The following CIMAP2 variants were observed in gnomAD, a reference collection of about 807,000 sequenced individuals.
CIMAP2 encodes ciliary microtubule associated protein 2.
At chr1:54,823,886 C>A in the CIMAP2 span, among the ~76,000 whole-genome samples, 26 of 152,228 alleles carry the variant, frequency 1.7e-4, no homozygotes, top group Middle Eastern at 3.4e-3. Flanking sequence ...TAATTTATTT[C>A]TTCTTCATTT....
the CIMAP2 span, chr1:54,817,175 C>T: frequency 1.2e-6 from 2 of 1,604,346 alleles, no homozygotes; most frequent in Non-Finnish European, 1.7e-6. Flanking sequence ...GGGGGTCTTA[C>T]TCTGGGGTGG....
At chr1:54,807,143 T>C in the CIMAP2 span, 5 of 1,506,820 alleles carry the variant, frequency 3.3e-6, no homozygotes, top group Non-Finnish European at 4.6e-6. Context: ...CCCTTCGAGC[T>C]GCCTGCTGTG....
At chr1:54,822,743 TG>T in the CIMAP2 span, among the ~76,000 whole-genome samples, 1 of 152,184 alleles carries the variant, frequency 6.6e-6, no homozygotes, top group African/African-American at 2.4e-5. Flanking sequence ...TGGGCTCAAG[TG>T]ATCCATCCAC....
chr1:54,809,435 G>A, the CIMAP2 span, among the ~76,000 whole-genome samples: 3 of 152,168 alleles, frequency 2.0e-5, no homozygotes, highest in South Asian at 2.1e-4. Flanking sequence ...TGTCATTACC[G>A]TCCAATCTAA....
the CIMAP2 span, among the ~76,000 whole-genome samples, chr1:54,823,406 T>C: frequency 2.6e-5 from 4 of 152,174 alleles, no homozygotes; most frequent in African/African-American, 9.7e-5. Context: ...CTGCACTATT[T>C]TGGTTTCCAT....
the CIMAP2 span, chr1:54,841,810 C>T: frequency 6.4e-7 from 1 of 1,571,034 alleles, no homozygotes; most frequent in Non-Finnish European, 8.6e-7. Flanking sequence ...GGGAAAGGAT[C>T]ACACCATTTA....
At chr1:54,820,906 T>TTAC in the CIMAP2 span, among the ~76,000 whole-genome samples, 11 of 152,078 alleles carry the variant, frequency 7.2e-5, no homozygotes, top group African/African-American at 2.7e-4. Flanking sequence ...GTAGCTGGGA[T>TTAC]TACAGGTGTA....
the CIMAP2 span, chr1:54,811,765 G>GCGGGGGGGGGGGGGGGCCCCCCCCCCC: frequency 7.7e-7 from 1 of 1,301,324 alleles, no homozygotes; most frequent in South Asian, 1.2e-5. Flanking sequence ...GGTTCTGACA[G>GCGGGGGGGGGGGGGGGCCCCCCCCCCC]CCTCCATGCC....
At chr1:54,823,504 T>C in the CIMAP2 span, among the ~76,000 whole-genome samples, 1 of 152,230 alleles carries the variant, frequency 6.6e-6, no homozygotes, top group African/African-American at 2.4e-5. Context: ...CAGCAGATAG[T>C]TATCTTCTAG....
At chr1:54,840,838 T>G in the CIMAP2 span, among the ~76,000 whole-genome samples, 1 of 152,274 alleles carries the variant, frequency 6.6e-6, no homozygotes, top group African/African-American at 2.4e-5. Context: ...TCCTTAGATA[T>G]TCTAAGCATA....
chr1:54,813,080 G>T, the CIMAP2 span, among the ~76,000 whole-genome samples: 1 of 152,046 alleles, frequency 6.6e-6, no homozygotes, highest in Non-Finnish European at 1.5e-5. Flanking sequence ...CAGGCACTGT[G>T]GCCAGTGCCC....
the CIMAP2 span, chr1:54,807,754 C>G: frequency 6.6e-7 from 1 of 1,525,962 alleles, no homozygotes; most frequent in East Asian, 2.3e-5. Flanking sequence ...ATTGCAGCTG[C>G]TCTGTGTGGC....
chr1:54,806,298 C>T, the CIMAP2 span: 2 of 1,363,988 alleles, frequency 1.5e-6, no homozygotes, highest in Admixed American at 3.0e-5. Flanking sequence ...CGCTTGGCCT[C>T]GGGAGAGAGG....
chr1:54,815,038 G>A, the CIMAP2 span: 2 of 1,614,128 alleles, frequency 1.2e-6, no homozygotes, highest in East Asian at 2.2e-5. Flanking sequence ...ATGGGAAGCT[G>A]GGTAAGTGGG....
At chr1:54,829,025 C>A in the CIMAP2 span, among the ~76,000 whole-genome samples, 1 of 152,128 alleles carries the variant, frequency 6.6e-6, no homozygotes, top group Non-Finnish European at 1.5e-5. Context: ...TTGACATATG[C>A]GTAGAAAACA....
the CIMAP2 span, among the ~76,000 whole-genome samples, chr1:54,840,311 A>G: frequency 2.0e-5 from 3 of 152,190 alleles, no homozygotes; most frequent in Non-Finnish European, 2.9e-5. Flanking sequence ...TGTGTGTATC[A>G]CAGTTTGTTC....
the CIMAP2 span, chr1:54,811,765 G>GCCGGGGGGGGGGGGCGCCCCCCCCC: frequency 2.3e-6 from 3 of 1,301,324 alleles, no homozygotes; most frequent in Admixed American, 1.8e-5. Context: ...GGTTCTGACA[G>GCCGGGGGGGGGGGGCGCCCCCCCCC]CCTCCATGCC....
At chr1:54,833,901 T>G in the CIMAP2 span, among the ~76,000 whole-genome samples, 2 of 152,130 alleles carry the variant, frequency 1.3e-5, no homozygotes, top group African/African-American at 4.8e-5. Context: ...CAGGCTGGGA[T>G]GCAATGGCTC....
At chr1:54,835,148 A>G in the CIMAP2 span, among the ~76,000 whole-genome samples, 1 of 152,190 alleles carries the variant, frequency 6.6e-6, no homozygotes, top group Non-Finnish European at 1.5e-5. Flanking sequence ...AAATTATTAT[A>G]TTCTTGGAAT....
Sources: allele counts gnomAD v4.1 joint callset (sites outside exome capture counted in the v4.1 genomes callset), GRCh38; gene constraint gnomAD v4.1.1; transcripts MANE v1.5; gene names NCBI Gene and HGNC (gene_info 2026-07-23, HGNC 2026-07-21).